The following DYM variants were observed in gnomAD, a reference collection of about 807,000 sequenced individuals.
DYM encodes dyggve-Melchior-Clausen syndrome protein.
Under a neutral mutation model 93.1 loss-of-function variants are expected in DYM, and 78 were observed. That is an observed-to-expected ratio of 0.84 (90% CI 0.70 to 1.01). DYM has a LOEUF of 1.01. DYM is among the 50% of genes least tolerant of loss of function. The pLI is 0.00. For synonymous variants in DYM, 321 were observed against 319.7 expected, an observed-to-expected ratio of 1.00 and a Z score of -0.04; for missense variants, 789 against 845.0, an observed-to-expected ratio of 0.93 and a Z score of 0.82.
intron 15 of DYM, among the ~76,000 whole-genome samples, chr18:49,157,115 A>T (rs1262594747): frequency 1.3e-5 from 2 of 152,090 alleles, no homozygotes; most frequent in African/African-American, 4.8e-5. Context: ...GAGGGAGTCC[A>T]TCTTTGGGGT....
intron 8 of DYM, among the ~76,000 whole-genome samples, chr18:49,292,990 C>T (rs1007797547): frequency 1.3e-5 from 2 of 152,010 alleles, no homozygotes; most frequent in East Asian, 1.9e-4. Flanking sequence ...CCTTACCCAC[C>T]GACAGGCCCT....
At chr18:49,269,599 C>T (rs2094639590) in intron 11 of DYM, among the ~76,000 whole-genome samples, 1 of 152,156 alleles carries the variant, frequency 6.6e-6, no homozygotes, top group Non-Finnish European at 1.5e-5. Flanking sequence ...TACATACAGT[C>T]ATTTGCCACA....
intron 6 of DYM, among the ~76,000 whole-genome samples, chr18:49,343,687 C>T (rs780200395): frequency 1.2e-4 from 18 of 152,204 alleles, no homozygotes. Flanking sequence ...CTCACAGGCA[C>T]AGTGAGAAAT....
At chr18:49,384,392 A>G (rs2068370523) in intron 3 of DYM, among the ~76,000 whole-genome samples, 1 of 151,254 alleles carries the variant, frequency 6.6e-6, no homozygotes, top group Non-Finnish European at 1.5e-5. Flanking sequence ...TTGGGAGGCC[A>G]AGGCAGGAAG....
chr18:49,156,479 C>A (rs2086453088), intron 15 of DYM, among the ~76,000 whole-genome samples: 1 of 151,966 alleles, frequency 6.6e-6, no homozygotes, highest in Admixed American at 6.6e-5. Context: ...CGCCTGTAAT[C>A]CCAGCACTTC....
intron 11 of DYM, among the ~76,000 whole-genome samples, chr18:49,260,856 G>C (rs1308343026): frequency 6.8e-6 from 1 of 147,398 alleles, no homozygotes; most frequent in Non-Finnish European, 1.5e-5. Flanking sequence ...CCATCTCCGG[G>C]AGAAAAAAAA....
At chr18:49,455,564 G>A (rs200972019) in intron 1 of DYM, among the ~76,000 whole-genome samples, 6 of 152,178 alleles carry the variant, frequency 3.9e-5, no homozygotes, top group Non-Finnish European at 7.3e-5. Flanking sequence ...AAAAGGTTGA[G>A]TAACATGCCA....
chr18:49,199,218 G>A (rs2145851515), intron 14 of DYM, among the ~76,000 whole-genome samples: 1 of 152,258 alleles, frequency 6.6e-6, no homozygotes, highest in East Asian at 1.9e-4. Context: ...TCACACACCA[G>A]GGCCTGTTGT....
At chr18:49,415,402 T>A (rs2072838389) in intron 2 of DYM, among the ~76,000 whole-genome samples, 1 of 150,638 alleles carries the variant, frequency 6.6e-6, no homozygotes, top group African/African-American at 2.4e-5. Context: ...TGTTAACAAG[T>A]TACTCTTGGT....
intron 1 of DYM, among the ~76,000 whole-genome samples, chr18:49,437,592 T>C (rs568823342): frequency 3.2e-4 from 48 of 152,140 alleles, no homozygotes; most frequent in Non-Finnish European, 4.9e-4. Flanking sequence ...TCCAGAGAAA[T>C]AGAATTGCTG....
chr18:49,144,301 GT>G (rs970088452), intron 15 of DYM, among the ~76,000 whole-genome samples: 24 of 146,518 alleles, frequency 1.6e-4, no homozygotes, highest in African/African-American at 6.2e-4. Flanking sequence ...GGTCTGATTA[GT>G]TTTTGGGTTT....
chr18:49,344,036 T>C (rs1250286923), intron 6 of DYM, among the ~76,000 whole-genome samples: 1 of 152,178 alleles, frequency 6.6e-6, no homozygotes, highest in Non-Finnish European at 1.5e-5. Context: ...CAACATTCAT[T>C]TGAAACAAGA....
chr18:49,402,977 A>G (rs1044393104), intron 2 of DYM, among the ~76,000 whole-genome samples: 9 of 152,202 alleles, frequency 5.9e-5, no homozygotes, highest in Middle Eastern at 3.2e-3. Flanking sequence ...AAATGGAGGT[A>G]AAAATGCCAC....
intron 16 of DYM, among the ~76,000 whole-genome samples, chr18:49,101,430 A>T (rs952502229): frequency 2.0e-5 from 3 of 152,224 alleles, no homozygotes; most frequent in Admixed American, 2.0e-4. Flanking sequence ...TATACTGATT[A>T]ATCAGTTGTT....
At chr18:49,446,513 G>A (rs2082104699) in intron 1 of DYM, among the ~76,000 whole-genome samples, 1 of 152,128 alleles carries the variant, frequency 6.6e-6, no homozygotes, top group South Asian at 2.1e-4. Context: ...TAAAGAACAA[G>A]TACAGGGTTG....
At chr18:49,391,229 T>C (rs1297914594) in intron 3 of DYM, among the ~76,000 whole-genome samples, 1 of 152,252 alleles carries the variant, frequency 6.6e-6, no homozygotes, top group Non-Finnish European at 1.5e-5. Context: ...CAAGTTGTTA[T>C]GGAAACTTCC....
intron 17 of DYM, among the ~76,000 whole-genome samples, chr18:49,056,437 G>A (rs563802799): frequency 4.6e-5 from 7 of 152,324 alleles, no homozygotes. Context: ...TTCACAGAGG[G>A]CTAATGAGTG....
intron 15 of DYM, among the ~76,000 whole-genome samples, chr18:49,130,921 C>T (rs2083324009): frequency 6.6e-6 from 1 of 152,172 alleles, no homozygotes; most frequent in South Asian, 2.1e-4. Flanking sequence ...CCTTGAATCC[C>T]AGCTTTACCA....
rs766412094 is a variant in DYM, at chr18:49,332,046, G to A, written c.621-40C>T. 3 of 1,582,682 alleles carry A rather than the reference G, an allele frequency of 1.9e-6. No homozygotes were observed. In the Admixed American group the frequency reaches 5.0e-5, roughly 27 times the overall value. On this transcript the variant is annotated intron_variant, in intron 7 of 17. Transcript: ENST00000675505. The stretch of plus-strand genomic sequence containing the variant: ...AAAAAAAATCAAACTCATATTTATG[G>A]GAGTCATCTAATTCTGAATAACAAT...
Sources: gnomAD v4.1 joint callset for allele counts (sites outside exome capture counted in the v4.1 genomes callset) on GRCh38, gnomAD v4.1.1 for gene constraint, MANE v1.5 for transcripts, NCBI Gene and HGNC (gene_info 2026-07-23, HGNC 2026-07-21) for gene names.